The following RPIA variants were observed in gnomAD, a reference collection of about 807,000 sequenced individuals.
The protein encoded by RPIA is ribose 5-phosphate isomerase A.
Under a neutral mutation model 37.8 loss-of-function variants are expected in RPIA, and 29 were observed. That is an observed-to-expected ratio of 0.77 (90% CI 0.57 to 1.05). The LOEUF (loss-of-function observed/expected upper bound fraction) is 1.05. RPIA is among the 50% of genes least tolerant of loss of function. The pLI, the probability that RPIA is intolerant of heterozygous loss-of-function variation, is 0.00. For synonymous variants in RPIA, 167 were observed against 157.0 expected, an observed-to-expected ratio of 1.06 and a Z score of -0.48; for missense variants, 385 against 413.6, an observed-to-expected ratio of 0.93 and a Z score of 0.60.
intron 3 of RPIA, among the ~76,000 whole-genome samples, chr2:88,712,827 C>T (rs1189366666): frequency 1.3e-5 from 2 of 151,918 alleles, no homozygotes; most frequent in East Asian, 3.9e-4. Context: ...AGGAAATTTC[C>T]TTCTCTTTTC....
intron 3 of RPIA, among the ~76,000 whole-genome samples, chr2:88,704,843 C>G (rs1181176588): frequency 6.6e-6 from 1 of 152,138 alleles, no homozygotes; most frequent in Non-Finnish European, 1.5e-5. Flanking sequence ...CCAAAAGCTC[C>G]TTAAGCTGAT....
rs1676941218 is a variant in RPIA at position 88,691,970 on chromosome 2, A to G, written c.272A>G (p.Glu91Gly). The G allele has an allele frequency of 3.1e-6, 5 of 1,589,406 alleles. No individual in the cohort carries two copies. Among genetic ancestry groups the G allele is most frequent in the South Asian group, 2.3e-5 (2 of 87,592 alleles). The change falls in exon 1 of 9, where the codon GAG becomes GGG. Residue 91 changes from glutamate (E) to glycine (G), a missense_variant. Transcript: ENST00000283646. ...AKKLAGRAAV[E>G]NHVRNNQVLG... ...AAGCTGGCGGGCCGCGCGGCTGTGG[A>G]GAACCACGTGAGGGTGAGCACTTCG...
At chr2:88,748,885 AT>A in intron 8 of RPIA, among the ~76,000 whole-genome samples, 1 of 151,736 alleles carries the variant, frequency 6.6e-6, no homozygotes, top group South Asian at 2.1e-4. Flanking sequence ...TAATTTTTGT[AT>A]TTTTTGTAGA....
rs554651322 is a variant in RPIA at position 88,747,230 on chromosome 2, G to A, written c.839-2751G>A. Among the ~76,000 whole-genome samples the A allele has an allele frequency of 2.0e-5, 3 of 152,216 alleles. No individual in the cohort carries two copies. In the East Asian group the frequency reaches 5.8e-4, roughly 30 times the overall value. ...GTCATACAGGCTGCCAGGGAAGTAG[G>A]AGAAAGCCGGCAGTGACAGACCCCC... On this transcript the variant is annotated intron_variant, in intron 8 of 8. Coordinates refer to ENST00000283646, the MANE Select transcript of RPIA (RefSeq NM_144563.3).
intron 3 of RPIA, among the ~76,000 whole-genome samples, chr2:88,724,536 C>T (rs982306658): frequency 6.6e-6 from 1 of 151,946 alleles, no homozygotes; most frequent in Non-Finnish European, 1.5e-5. Context: ...CTCGAACTCC[C>T]GACCTCAGGT....
At chr2:88,723,574 T>C (rs182539437) in intron 3 of RPIA, among the ~76,000 whole-genome samples, 1 of 152,278 alleles carries the variant, frequency 6.6e-6, no homozygotes, top group Non-Finnish European at 1.5e-5. Flanking sequence ...TCCTGTTGGT[T>C]TGAGCCATAA....
intron 7 of RPIA, 93 bp from the exon 8 acceptor site, chr2:88,737,884 G>A: frequency 1.1e-6 from 1 of 907,282 alleles, no homozygotes; most frequent in Non-Finnish European, 1.8e-6. Context: ...AGGTTAAAAT[G>A]CATACTTGTC....
Position 88,750,182 on chromosome 2 carries a change from C to T in RPIA, c.*104C>T. ...CCTTAATGTATCTCTGCCTGGACAA[C>T]TTGTGGTGGGGGGTGGGGGGAAGAG... On this transcript the variant is annotated 3_prime_UTR_variant, in exon 9 of 9. Transcript: ENST00000283646. 1 of 592,046 alleles carries T rather than the reference C, an allele frequency of 1.7e-6. No individual in the cohort carries two copies. Among genetic ancestry groups the T allele is most frequent in the Admixed American group, 2.2e-5 (1 of 44,544 alleles). The allele number at this position is 592,046 out of a possible 1,614,324, so 36.7% of individuals were successfully genotyped here.
chr2:88,749,894 A>T, intron 8 of RPIA, 87 bp from the exon 9 acceptor site: 2 of 839,218 alleles, frequency 2.4e-6, no homozygotes, highest in South Asian at 1.4e-5. Flanking sequence ...TGTGTATGAC[A>T]GTTGCTTCTA....
rs1043354011 is a variant in RPIA at position 88,749,947 on chromosome 2, G to A, written c.839-34G>A. The A allele has an allele frequency of 7.8e-6, 12 of 1,535,998 alleles. No homozygotes were observed. In the Middle Eastern group the frequency reaches 1.7e-3, roughly 219 times the overall value. On this transcript the variant is annotated intron_variant, in intron 8 of 8. Transcript: ENST00000283646. ...GAGTCTCTTTTTGCTTTGGGAGGCTGAAACAATGTTTCTTTCTGTCCTTTG... is the reference window on the plus strand; with the variant it reads ...GAGTCTCTTTTTGCTTTGGGAGGCTAAAACAATGTTTCTTTCTGTCCTTTG...
chr2:88,695,342 A>T (rs952885632), intron 1 of RPIA, among the ~76,000 whole-genome samples: 2 of 152,212 alleles, frequency 1.3e-5, no homozygotes, highest in African/African-American at 4.8e-5. Context: ...GCCCTCAACC[A>T]GTGGAACCTT....
In RPIA at chr2:88,738,037, A is replaced by T. The variant is rs754120268; in HGVS notation, c.799A>T (p.Lys267Ter). 16 of 1,614,064 alleles carry T rather than the reference A, an allele frequency of 9.9e-6. No individual in the cohort carries two copies. The highest frequency in any genetic ancestry group is 1.4e-5 in the Non-Finnish European group (16 of 1,179,922). ...ILDWKFDRVHKWSEVNTAIKM... is the reference protein window; with the variant it reads ...ILDWKFDRVH ...GGACTGGAAGTTTGACCGGGTACAC[A>T]AATGGAGTGAAGTGAATACAGCTAT... The change falls in exon 8 of 9, where the codon AAA (lysine) becomes TAA (stop). Residue 267 changes from lysine (K) to a stop codon, truncating the protein, a stop_gained. Transcript: ENST00000283646. LOFTEE classifies it high-confidence loss of function.
chr2:88,692,105 G>T (rs964595480), intron 1 of RPIA, 122 bp downstream of exon 1: 2 of 1,264,320 alleles, frequency 1.6e-6, no homozygotes, highest in African/African-American at 1.5e-5. Context: ...GAGTGAGAGG[G>T]TAGAGGGTGT....
At chr2:88,725,054 T>C (rs751785165) in intron 3 of RPIA, among the ~76,000 whole-genome samples, 8 of 152,262 alleles carry the variant, frequency 5.3e-5, no homozygotes, top group Non-Finnish European at 1.0e-4. Flanking sequence ...GGTTTGCTTC[T>C]TGCCTTTCTT....
intron 2 of RPIA, among the ~76,000 whole-genome samples, chr2:88,698,987 C>A (rs1672794753): frequency 6.6e-6 from 1 of 152,192 alleles, no homozygotes. Flanking sequence ...TCATTTCACA[C>A]TGATTAGGGT....
chr2:88,737,572 C>T (rs1159050995), intron 7 of RPIA, among the ~76,000 whole-genome samples: 2 of 152,106 alleles, frequency 1.3e-5, no homozygotes, highest in Non-Finnish European at 2.9e-5. Flanking sequence ...CTGTTTCTTG[C>T]CCTTTTTCTT....
At chr2:88,738,640 A>T (rs1425374226) in intron 8 of RPIA, among the ~76,000 whole-genome samples, 3 of 152,204 alleles carry the variant, frequency 2.0e-5, no homozygotes, top group African/African-American at 7.2e-5. Flanking sequence ...GCTCAATTCT[A>T]CTAGAGGAAT....
At chr2:88,723,469 G>A (rs1673159054) in intron 3 of RPIA, among the ~76,000 whole-genome samples, 1 of 152,166 alleles carries the variant, frequency 6.6e-6, no homozygotes, top group Non-Finnish European at 1.5e-5. Flanking sequence ...AAAAAGGTGG[G>A]GGGAGTTCTA....
intron 2 of RPIA, among the ~76,000 whole-genome samples, chr2:88,699,630 C>T (rs1002644990): frequency 2.0e-5 from 3 of 152,156 alleles, no homozygotes; most frequent in East Asian, 1.9e-4. Context: ...GTATAACTAC[C>T]GAGTTACATT....
Sources: gnomAD v4.1 joint callset for allele counts (sites outside exome capture counted in the v4.1 genomes callset) on GRCh38, gnomAD v4.1.1 for gene constraint, MANE v1.5 for transcripts, NCBI Gene and HGNC (gene_info 2026-07-23, HGNC 2026-07-21) for gene names.